HECW2: variants seen among roughly 807,000 people sequenced by gnomAD.
The protein encoded by HECW2 is HECT, C2 and WW domain containing E3 ubiquitin protein ligase 2.
In HECW2, 61 loss-of-function variants were observed where a neutral mutation model predicts 175.2. The ratio of observed to expected loss-of-function variants is 0.35; its 90% CI spans 0.28 to 0.43. HECW2 has a LOEUF of 0.43. Ranked by LOEUF, HECW2 falls within the 20% of genes least tolerant of loss-of-function variation. The pLI, the probability that HECW2 is intolerant of heterozygous loss-of-function variation, is 1.00. For missense variants in HECW2, 1,524 were observed against 2,000.5 expected (o/e 0.76, Z 4.54); for synonymous variants, 671 against 731.0 (o/e 0.92, Z 1.32).
chr2:196,492,392 T>TA (rs1687231863), intron 1 of HECW2, among the ~76,000 whole-genome samples: 1 of 152,070 alleles, frequency 6.6e-6, no homozygotes, highest in African/African-American at 2.4e-5. Flanking sequence ...TGTAAGTTAC[T>TA]CCCACAAACC....
chr2:196,496,858 T>C (rs1687411204), intron 1 of HECW2, among the ~76,000 whole-genome samples: 1 of 152,208 alleles, frequency 6.6e-6, no homozygotes, highest in Non-Finnish European at 1.5e-5. Context: ...TTCTATATCA[T>C]GGCAGTTAAC....
chr2:196,352,900 T>C (rs1047592537), intron 2 of HECW2, among the ~76,000 whole-genome samples: 2 of 152,198 alleles, frequency 1.3e-5, no homozygotes, highest in African/African-American at 2.4e-5. Context: ...TAAGGAGCAG[T>C]TCAGAAATGG....
At chr2:196,255,732 T>G (rs1254432504) in intron 18 of HECW2, among the ~76,000 whole-genome samples, 2 of 152,246 alleles carry the variant, frequency 1.3e-5, no homozygotes, top group Non-Finnish European at 2.9e-5. Context: ...GTATGCTGAC[T>G]GAAGTTTGTA....
chr2:196,424,434 TCAAAAATTGAGACAGGCCAAAAG>T, intron 2 of HECW2, among the ~76,000 whole-genome samples: 1 of 152,252 alleles, frequency 6.6e-6, no homozygotes, highest in East Asian at 1.9e-4. Context: ...GGAAGGCATC[TCAAAAATTGAGACAGGCCAAAAG>T]CTAGGCCTCT....
At chr2:196,226,676 T>A (rs1170257273) in intron 22 of HECW2, among the ~76,000 whole-genome samples, 1 of 84,996 alleles carries the variant, frequency 1.2e-5, no homozygotes, top group African/African-American at 4.5e-5. Context: ...TGTGTATGCA[T>A]GAATATTAGC....
At chr2:196,308,930 A>T (rs1691373811) in intron 10 of HECW2, among the ~76,000 whole-genome samples, 1 of 152,244 alleles carries the variant, frequency 6.6e-6, no homozygotes. Flanking sequence ...GAAACATGAA[A>T]ACAGCAGAAA....
At chr2:196,519,697 C>T (rs1234758985) in intron 1 of HECW2, among the ~76,000 whole-genome samples, 1 of 152,006 alleles carries the variant, frequency 6.6e-6, no homozygotes, top group Non-Finnish European at 1.5e-5. Context: ...CCTTTGTTGC[C>T]AGGGGTCACA....
chr2:196,551,996 T>G (rs1207062263), intron 1 of HECW2, among the ~76,000 whole-genome samples: 1 of 152,136 alleles, frequency 6.6e-6, no homozygotes, highest in Non-Finnish European at 1.5e-5. Flanking sequence ...CCATCCTGAA[T>G]CACTTCTCAC....
At chr2:196,403,048 C>G (rs943160459) in intron 2 of HECW2, among the ~76,000 whole-genome samples, 1 of 152,104 alleles carries the variant, frequency 6.6e-6, no homozygotes, top group Admixed American at 6.5e-5. Context: ...CTCAGGTGAT[C>G]CGCCCACCTT....
intron 28 of HECW2, among the ~76,000 whole-genome samples, chr2:196,214,843 T>C (rs1249052979): frequency 1.3e-5 from 2 of 152,230 alleles, no homozygotes; most frequent in African/African-American, 2.4e-5. Context: ...GCTCAGTTGC[T>C]TGTACTTAAA....
At chr2:196,244,750 G>C (rs1316110427) in intron 19 of HECW2, among the ~76,000 whole-genome samples, 1 of 152,228 alleles carries the variant, frequency 6.6e-6, no homozygotes, top group Non-Finnish European at 1.5e-5. Flanking sequence ...GCTGGCATGA[G>C]CACTGCATGT....
chr2:196,488,280 C>A (rs1575599587), intron 1 of HECW2, among the ~76,000 whole-genome samples: 2 of 152,218 alleles, frequency 1.3e-5, no homozygotes. Flanking sequence ...CAATAAAAAC[C>A]AGTAAGAGTT....
intron 19 of HECW2, among the ~76,000 whole-genome samples, chr2:196,253,588 A>T (rs6749366): frequency 3.3e-5 from 5 of 152,046 alleles, no homozygotes; most frequent in Admixed American, 6.5e-5. Flanking sequence ...TCTTCATTGT[A>T]TATCAAAAAA....
chr2:196,335,657 T>A (rs1443889580), intron 3 of HECW2, among the ~76,000 whole-genome samples: 3 of 152,232 alleles, frequency 2.0e-5, no homozygotes, highest in African/African-American at 4.8e-5. Context: ...CAGGAATTTA[T>A]ATCATTACAC....
chr2:196,318,422 C>A, intron 9 of HECW2, 130 bp downstream of exon 9: 1 of 1,124,840 alleles, frequency 8.9e-7, no homozygotes, highest in Non-Finnish European at 1.2e-6. Context: ...TTCTTGCCTG[C>A]TGAACCTCAA....
intron 2 of HECW2, among the ~76,000 whole-genome samples, chr2:196,382,361 G>C (rs1260762745): frequency 6.6e-6 from 1 of 151,872 alleles, no homozygotes; most frequent in Non-Finnish European, 1.5e-5. Context: ...GGAAATGCAT[G>C]AGAGGTTGAA....
chr2:196,494,561 G>A (rs1394495434), intron 1 of HECW2, among the ~76,000 whole-genome samples: 2 of 152,136 alleles, frequency 1.3e-5, no homozygotes, highest in Non-Finnish European at 2.9e-5. Flanking sequence ...CAGCCAACTG[G>A]GTGGATGGTA....
At chr2:196,450,450 T>G (rs1696312476) in intron 1 of HECW2, among the ~76,000 whole-genome samples, 1 of 151,740 alleles carries the variant, frequency 6.6e-6, no homozygotes, top group Non-Finnish European at 1.5e-5. Context: ...CCAAATCTAC[T>G]GATCATAAGC....
chr2:196,210,563 T>C (rs566405144), intron 28 of HECW2, among the ~76,000 whole-genome samples: 5 of 152,000 alleles, frequency 3.3e-5, no homozygotes, highest in Non-Finnish European at 5.9e-5. Flanking sequence ...TATACATATA[T>C]TTCTTAGCAA....
Sources: allele counts gnomAD v4.1 joint callset (sites outside exome capture counted in the v4.1 genomes callset), GRCh38; gene constraint gnomAD v4.1.1; transcripts MANE v1.5; gene names NCBI Gene and HGNC (gene_info 2026-07-23, HGNC 2026-07-21).